SLC2A5: variants seen among roughly 807,000 people sequenced by gnomAD.
The protein encoded by SLC2A5 is solute carrier family 2 member 5.
Under a neutral mutation model 50.3 loss-of-function variants are expected in SLC2A5, and 56 were observed. The observed-to-expected ratio is 1.11, with a 90% CI of 0.90 to 1.39. The LOEUF (loss-of-function observed/expected upper bound fraction) is 1.39. SLC2A5 is among the 40% of genes most tolerant of loss of function. The pLI is 0.00. For missense variants in SLC2A5, 566 were observed against 650.1 expected (o/e 0.87, Z 1.41); for synonymous variants, 269 against 281.9 (o/e 0.95, Z 0.46).
intron 1 of SLC2A5, among the ~76,000 whole-genome samples, chr1:9,061,557 G>A (rs1355473717): frequency 6.7e-6 from 1 of 149,776 alleles, no homozygotes; most frequent in Non-Finnish European, 1.5e-5. Flanking sequence ...AGTGAGCTAT[G>A]GTTGCACCAC....
chr1:9,044,192 A>T (rs953407128), intron 4 of SLC2A5, among the ~76,000 whole-genome samples: 1 of 151,844 alleles, frequency 6.6e-6, no homozygotes, highest in Non-Finnish European at 1.5e-5. Flanking sequence ...TTAGCTGGGC[A>T]CGGTGGCACA....
chr1:9,047,551 C>T, intron 4 of SLC2A5, 59 bp downstream of exon 4: 1 of 1,582,360 alleles, frequency 6.3e-7, no homozygotes, highest in South Asian at 1.1e-5. Flanking sequence ...CCCTGGGAAC[C>T]TGTTGTCCTC....
chr1:9,047,753 CAGTT>C lies in SLC2A5; in HGVS notation c.294-23_294-20del, dbSNP rs1238035704. ...CCCTTTTCTGCAGAGGACAAAATAT[CAGTT>C]AGTTTTGCTGAAGAATTCACTCTTT... On this transcript the variant is annotated intron_variant, in intron 3 of 11. Coordinates refer to ENST00000377424, the MANE Select transcript of SLC2A5 (RefSeq NM_003039.3). 1.9e-6 allele frequency: 3 copies of C among 1,610,358 alleles called. No individual in the cohort carries two copies. Among genetic ancestry groups the C allele is most frequent in the Admixed American group, 3.4e-5 (2 of 59,526 alleles).
intron 2 of SLC2A5, among the ~76,000 whole-genome samples, chr1:9,081,795 T>G (rs1281717526): frequency 6.6e-6 from 1 of 151,998 alleles, no homozygotes; most frequent in African/African-American, 2.4e-5. Context: ...TTAACTAGTG[T>G]TGGTGGTCAG....
Position 9,087,917 on chromosome 1 carries a change from A to G in SLC2A5, c.-188+455T>C, listed in dbSNP as rs1476078364. ...GCCAATTCCAACTGGAACATCCAACATTTGGCTTATGGGGGAACCTAAAGC... is the reference window on the plus strand; with the variant it reads ...GCCAATTCCAACTGGAACATCCAACGTTTGGCTTATGGGGGAACCTAAAGC... On this transcript the variant is annotated intron_variant, in intron 1 of 5. Coordinates refer to the SLC2A5 transcript ENST00000464985. Among the ~76,000 whole-genome samples, 5 of 151,926 alleles carry G rather than the reference A, an allele frequency of 3.3e-5. No homozygotes were observed. In the South Asian group the frequency reaches 8.3e-4, roughly 25 times the overall value.
chr1:9,060,130 A>AC (rs1557676029), intron 1 of SLC2A5, among the ~76,000 whole-genome samples: 6 of 92,380 alleles, frequency 6.5e-5, no homozygotes, highest in South Asian at 4.0e-4. Flanking sequence ...ACACACACAC[A>AC]ACACACACAC....
In SLC2A5 at chr1:9,040,448, G is replaced by C. The variant is rs917691616; in HGVS notation, c.572-259C>G. 1.3e-5 allele frequency: 6 copies of C among 476,156 alleles called. No homozygotes were observed. Among genetic ancestry groups the C allele is most frequent in the Non-Finnish European group, 1.9e-5 (5 of 265,568 alleles). 29.5% of individuals were successfully genotyped at this position (476,156 alleles called of 1,614,324 possible). A position where few individuals can be genotyped will look rare whatever the true frequency, so the allele number is the denominator to read the frequency against. ...GGTAATACCATGTGCTGGTGAGAAC[G>C]TCCCCGTGTCCTTCAGAGGACAGTC... is the stretch of plus-strand genomic sequence containing the variant. On this transcript the variant is annotated intron_variant, in intron 5 of 11. Transcript: ENST00000377424. The surrounding 1 kb of genome is among the most constrained non-coding windows in gnomAD (Gnocchi z 4.3).
Position 9,068,784 on chromosome 1 carries a change from C to T in SLC2A5, c.33+720G>A, listed in dbSNP as rs1642149911. Among the ~76,000 whole-genome samples, 3 of 152,160 alleles carry T rather than the reference C, an allele frequency of 2.0e-5. No individual in the cohort carries two copies. In the South Asian group the frequency reaches 6.2e-4, roughly 32 times the overall value. ...CTATGGTGAGGGTCTCACATCCATG[C>T]CTGAACAAATGCTGTTTTGCAAAAA... On this transcript the variant is annotated intron_variant, in intron 1 of 11. Coordinates refer to ENST00000377424, the MANE Select transcript of SLC2A5 (RefSeq NM_003039.3).
upstream of SLC2A5, among the ~76,000 whole-genome samples, chr1:9,090,481 A>G (rs1474699817): frequency 6.6e-6 from 1 of 152,138 alleles, no homozygotes; most frequent in African/African-American, 2.4e-5. Flanking sequence ...TCTTCCCACA[A>G]TAATCCTATT....
At chr1:9,085,949 A>C (rs998579987) in intron 1 of SLC2A5, among the ~76,000 whole-genome samples, 2 of 152,194 alleles carry the variant, frequency 1.3e-5, no homozygotes, top group African/African-American at 4.8e-5. Flanking sequence ...CATGGTCCTA[A>C]GAAATTGCTG....
intron 1 of SLC2A5, among the ~76,000 whole-genome samples, chr1:9,064,184 A>C (rs890270983): frequency 6.6e-6 from 1 of 152,168 alleles, no homozygotes; most frequent in African/African-American, 2.4e-5. Context: ...ATTCTCAATA[A>C]AGATGCAGTA....
At chr1:9,053,937 T>C (rs1641691536) in intron 3 of SLC2A5, among the ~76,000 whole-genome samples, 1 of 151,820 alleles carries the variant, frequency 6.6e-6, no homozygotes, top group East Asian at 1.9e-4. Flanking sequence ...ATAAAAGTTA[T>C]CTAAAACAAT....
chr1:9,042,549 A>G (rs755869999), intron 4 of SLC2A5, among the ~76,000 whole-genome samples: 46 of 141,638 alleles, frequency 3.2e-4, no homozygotes, highest in Admixed American at 4.9e-4. Context: ...GTGTGTGTGT[A>G]TATATATATG....
At chr1:9,089,774 C>T (rs185728474), upstream of SLC2A5, among the ~76,000 whole-genome samples, 3 of 152,328 alleles carry the variant, frequency 2.0e-5, no homozygotes, top group East Asian at 5.8e-4. Context: ...CCAATGGGAA[C>T]ACCTTCCCCG....
chr1:9,059,337 G>GT (rs1342713913), intron 1 of SLC2A5, among the ~76,000 whole-genome samples: 2 of 150,882 alleles, frequency 1.3e-5, no homozygotes, highest in Admixed American at 6.6e-5. Context: ...TAGAGACGGG[G>GT]TTTCACTGTG....
At chr1:9,079,196 T>G (rs901306052) in intron 2 of SLC2A5, among the ~76,000 whole-genome samples, 5 of 152,100 alleles carry the variant, frequency 3.3e-5, no homozygotes, top group Non-Finnish European at 7.4e-5. Context: ...TCACTTGAGC[T>G]CCCTTCCAAG....
chr1:9,040,296 A>T lies in SLC2A5; in HGVS notation c.572-107T>A, dbSNP rs1326547373. On this transcript the variant is annotated intron_variant, in intron 5 of 11. Transcript: ENST00000377424. This position sits in a 1 kb window ranked among gnomAD's most constrained non-coding sequence, Gnocchi z 4.3. ...TCATCCTGAGTGGGGTGCAGGCTCC[A>T]GGAGGGCACAGCTTTCCCAGCCCTA... 3.7e-6 allele frequency: 5 copies of T among 1,339,472 alleles called. No individual in the cohort carries two copies. The highest frequency in any genetic ancestry group is 1.0e-6 in the Non-Finnish European group (1 of 1,002,758). The allele number at this position is 1,339,472 out of a possible 1,614,324, so 83.0% of individuals were successfully genotyped here.
chr1:9,074,766 G>C (rs777159015), intron 2 of SLC2A5, among the ~76,000 whole-genome samples: 2 of 152,162 alleles, frequency 1.3e-5, no homozygotes, highest in Admixed American at 1.3e-4. Context: ...GCTTTCTCCT[G>C]TAATCCCAGC....
intron 4 of SLC2A5, among the ~76,000 whole-genome samples, chr1:9,044,514 T>C (rs544815953): frequency 6.6e-6 from 1 of 152,194 alleles, no homozygotes; most frequent in East Asian, 1.9e-4. Flanking sequence ...GAGTGAGCAA[T>C]GTGGTTCTTG....
Sources: allele counts gnomAD v4.1 joint callset (sites outside exome capture counted in the v4.1 genomes callset), GRCh38; gene constraint gnomAD v4.1.1; non-coding constraint Gnocchi (gnomAD v3.1); transcripts MANE v1.5; gene names NCBI Gene and HGNC (gene_info 2026-07-23, HGNC 2026-07-21).